The following CNTN4 variants were observed in gnomAD, a reference collection of about 807,000 sequenced individuals.
CNTN4 encodes contactin 4.
Under a neutral mutation model 122.5 loss-of-function variants are expected in CNTN4, and 77 were observed. The ratio of observed to expected loss-of-function variants is 0.63; its 90% CI spans 0.52 to 0.76. The LOEUF (loss-of-function observed/expected upper bound fraction) is 0.76. Ranked by LOEUF, CNTN4 falls within the 30% of genes least tolerant of loss-of-function variation. The pLI, the probability that CNTN4 is intolerant of heterozygous loss-of-function variation, is 0.00. For missense variants in CNTN4, 1,256 were observed against 1,259.1 expected (o/e 1.00, Z 0.04); for synonymous variants, 512 against 447.0 (o/e 1.15, Z -1.83).
chr3:2,674,479 A>G (rs2084721118), intron 4 of CNTN4, among the ~76,000 whole-genome samples: 1 of 152,214 alleles, frequency 6.6e-6, no homozygotes, highest in East Asian at 1.9e-4. Context: ...AACTGTGTCC[A>G]GGCATGCTGG....
At chr3:2,820,430 A>AT (rs1220442797) in intron 7 of CNTN4, among the ~76,000 whole-genome samples, 1 of 152,226 alleles carries the variant, frequency 6.6e-6, no homozygotes, top group Non-Finnish European at 1.5e-5. Context: ...AGATGCATTC[A>AT]TTAACCCTGA....
intron 3 of CNTN4, among the ~76,000 whole-genome samples, chr3:2,393,851 C>T (rs1002609586): frequency 2.6e-5 from 4 of 151,928 alleles, no homozygotes; most frequent in African/African-American, 9.7e-5. Context: ...TAGTAGGAAT[C>T]ACTATTGCTA....
intron 4 of CNTN4, among the ~76,000 whole-genome samples, chr3:2,575,885 G>A (rs2079648383): frequency 7.3e-6 from 1 of 137,646 alleles, no homozygotes; most frequent in Admixed American, 7.7e-5. Context: ...GCAGGGGTGT[G>A]ATCTCGGCTC....
At chr3:3,021,300 A>G (rs1286815706) in intron 14 of CNTN4, among the ~76,000 whole-genome samples, 1 of 152,166 alleles carries the variant, frequency 6.6e-6, no homozygotes, top group Non-Finnish European at 1.5e-5. Context: ...AAATGGTGCC[A>G]ACTATAGAAT....
At chr3:2,592,868 T>A (rs1184231956) in intron 4 of CNTN4, among the ~76,000 whole-genome samples, 2 of 152,228 alleles carry the variant, frequency 1.3e-5, no homozygotes, top group African/African-American at 4.8e-5. Flanking sequence ...CTCACATAGA[T>A]GTTAGGAAAT....
chr3:2,519,878 A>C (rs537805402), intron 3 of CNTN4, among the ~76,000 whole-genome samples: 2 of 152,320 alleles, frequency 1.3e-5, no homozygotes, highest in East Asian at 3.9e-4. Context: ...GCGGATTCAC[A>C]TCATGAAGTG....
chr3:2,210,220 G>A (rs764122351), intron 2 of CNTN4, among the ~76,000 whole-genome samples: 17 of 152,072 alleles, frequency 1.1e-4, no homozygotes, highest in Non-Finnish European at 1.9e-4. Flanking sequence ...TGATAGATCT[G>A]TATTTACCTA....
rs1337395845 is a variant in CNTN4 at position 2,854,259 on chromosome 3, TTTC to T, written c.455-12484_455-12482del. Among the ~76,000 whole-genome samples the T allele has an allele frequency of 9.6e-3, 1,205 of 126,072 alleles. 29 individuals carry two copies. Among genetic ancestry groups the T allele is most frequent in the African/African-American group, 0.035 (1,124 of 32,124 alleles). The allele number at this position is 126,072 out of a possible 152,430, so 82.7% of individuals were successfully genotyped here. A position where few individuals can be genotyped will look rare whatever the true frequency, so the allele number is the denominator to read the frequency against. ...AATGAAAACTGGCATTTTATTTTTC[TTTC>T]TTCTTCTTTTTTTTTTTTTTTTTTT... is the stretch of plus-strand genomic sequence containing the variant. On this transcript the variant is annotated intron_variant, in intron 7 of 24. Transcript: ENST00000418658.
In CNTN4 at chr3:2,351,803, C is replaced by A. The variant is rs549540634; in HGVS notation, c.-89+12570C>A. On this transcript the variant is annotated intron_variant, in intron 3 of 24. Coordinates refer to ENST00000418658, the MANE Select transcript of CNTN4 (RefSeq NM_175607.3). ...CACAGAAGTAGTAAAATGATGGTTACTGAGGTTGGGGGTTGAGAGGGGGAG... is the reference window on the plus strand; with the variant it reads ...CACAGAAGTAGTAAAATGATGGTTAATGAGGTTGGGGGTTGAGAGGGGGAG... 6.3e-5 allele frequency among the ~76,000 whole-genome samples: 9 copies of A among 142,622 alleles called. No homozygotes were observed. The East Asian group carries it at 1.5e-3, about 23-fold the overall frequency. 93.6% of individuals were successfully genotyped at this position (142,622 alleles called of 152,430 possible).
At chr3:2,117,115 C>G (rs1391567931) in intron 2 of CNTN4, among the ~76,000 whole-genome samples, 2 of 152,168 alleles carry the variant, frequency 1.3e-5, no homozygotes, top group African/African-American at 4.8e-5. Context: ...AGACTGTCCC[C>G]TACTCCCAAT....
rs1413103759 is a variant in CNTN4 at position 2,244,326 on chromosome 3, GA to G, written c.-144-94850del. 3.9e-5 allele frequency among the ~76,000 whole-genome samples: 6 copies of G among 152,098 alleles called. No homozygotes were observed. The East Asian group carries it at 1.2e-3, about 29-fold the overall frequency. On this transcript the variant is annotated intron_variant, in intron 2 of 24. Coordinates refer to ENST00000418658, the MANE Select transcript of CNTN4 (RefSeq NM_175607.3). ...GGACTGTGGGTGACCACAGGTAACT[GA>G]AGCTGTGGAAAGCAAAACCATGAAT...
At chr3:2,543,604 G>A (rs1175669040) in intron 3 of CNTN4, among the ~76,000 whole-genome samples, 2 of 152,028 alleles carry the variant, frequency 1.3e-5, no homozygotes, top group African/African-American at 4.8e-5. Context: ...GAGGATAATA[G>A]GGAGCCAAAA....
chr3:2,205,553 C>G (rs1469420536), intron 2 of CNTN4, among the ~76,000 whole-genome samples: 1 of 151,936 alleles, frequency 6.6e-6, no homozygotes, highest in Non-Finnish European at 1.5e-5. Context: ...TGCTCAAGTT[C>G]TCACTCAATC....
Position 2,580,817 on chromosome 3 carries a change from T to G in CNTN4, c.55+9259T>G, listed in dbSNP as rs143101647. ...TTTGTATGCACTATCACCCTTAAAC[T>G]CAAAACAACCCTCTGGGAGAGGTAT... On this transcript the variant is annotated intron_variant, in intron 4 of 24. Coordinates refer to ENST00000418658, the MANE Select transcript of CNTN4 (RefSeq NM_175607.3). Among the ~76,000 whole-genome samples the G allele has an allele frequency of 3.1e-3, 476 of 152,232 alleles. 4 individuals are homozygous for G. Among genetic ancestry groups the G allele is most frequent in the African/African-American group, 0.011 (460 of 41,548 alleles).
intron 6 of CNTN4, 92 bp from the exon 7 acceptor site, chr3:2,819,394 G>A: frequency 1.0e-6 from 1 of 1,001,700 alleles, no homozygotes. Context: ...GCAGTTTTGA[G>A]CAGAATGATT....
chr3:2,648,950 A>T lies in CNTN4; in HGVS notation c.55+77392A>T, dbSNP rs115620395. On this transcript the variant is annotated intron_variant, in intron 4 of 24. Transcript: ENST00000418658. ...ATATGGCAAAGTTTGAGTAGTCTGGATAGAAGATCACACCAGCCGCAACAT... is the reference window on the plus strand; with the variant it reads ...ATATGGCAAAGTTTGAGTAGTCTGGTTAGAAGATCACACCAGCCGCAACAT... Among the ~76,000 whole-genome samples, 322 of 152,318 alleles carry T rather than the reference A, an allele frequency of 2.1e-3. 4 individuals carry two copies. Among genetic ancestry groups the T allele is most frequent in the African/African-American group, 7.5e-3 (310 of 41,576 alleles).
intron 4 of CNTN4, among the ~76,000 whole-genome samples, chr3:2,687,456 T>C (rs2085495538): frequency 6.6e-6 from 1 of 151,908 alleles, no homozygotes; most frequent in Admixed American, 6.6e-5. Context: ...AGCCTGGAAG[T>C]TTGAGACCAG....
At chr3:2,689,242 T>C (rs2085597360) in intron 4 of CNTN4, among the ~76,000 whole-genome samples, 1 of 152,104 alleles carries the variant, frequency 6.6e-6, no homozygotes. Flanking sequence ...AGATCTAAAT[T>C]CCAGTCAAAG....
At chr3:2,858,512 G>A (rs2093639401) in intron 7 of CNTN4, among the ~76,000 whole-genome samples, 1 of 152,048 alleles carries the variant, frequency 6.6e-6, no homozygotes, top group Non-Finnish European at 1.5e-5. Context: ...GATCACTTGA[G>A]GTCAGTAGTT....
Sources: allele counts gnomAD v4.1 joint callset (sites outside exome capture counted in the v4.1 genomes callset), GRCh38; gene constraint gnomAD v4.1.1; transcripts MANE v1.5; gene names NCBI Gene and HGNC (gene_info 2026-07-23, HGNC 2026-07-21).